The following AGO4 variants were observed in gnomAD, a reference collection of about 807,000 sequenced individuals.
The protein encoded by AGO4 is argonaute RISC component 4.
In AGO4, 33 loss-of-function variants were observed where a neutral mutation model predicts 104.7. That is an observed-to-expected ratio of 0.32 (90% confidence interval 0.24 to 0.42). The LOEUF is 0.42. Among genes scored for constraint, AGO4 ranks in the 10% least tolerant of loss-of-function variants. The pLI, the probability that AGO4 is intolerant of heterozygous loss-of-function variation, is 1.00. For synonymous variants in AGO4, 331 were observed against 364.7 expected, an observed-to-expected ratio of 0.91 and a Z score of 1.05; for missense variants, 711 against 1,083.4, an observed-to-expected ratio of 0.66 and a Z score of 4.83.
At chr1:35,838,255 G>A (rs535122940) in intron 13 of AGO4, among the ~76,000 whole-genome samples, 2 of 152,234 alleles carry the variant, frequency 1.3e-5, no homozygotes, top group South Asian at 2.1e-4. Flanking sequence ...GCTTTACCAT[G>A]TTGGCCAGGC....
At chr1:35,851,323 C>T (rs1644696983) in intron 17 of AGO4, 1 of 462,924 alleles carries the variant, frequency 2.2e-6, no homozygotes, top group Admixed American at 3.5e-5. Context: ...TTCAGTTCTG[C>T]TCAGGTCCTA....
intron 7 of AGO4, among the ~76,000 whole-genome samples, chr1:35,827,911 C>T (rs1188235241): frequency 3.3e-5 from 5 of 151,054 alleles, no homozygotes; most frequent in East Asian, 2.0e-4. Context: ...CCACCACACT[C>T]GCCTAATTTT....
At chr1:35,839,324 C>T (rs1043914174) in intron 13 of AGO4, among the ~76,000 whole-genome samples, 6 of 152,064 alleles carry the variant, frequency 3.9e-5, no homozygotes, top group Admixed American at 2.6e-4. Flanking sequence ...ATATATGGGC[C>T]ATAGGGGAAG....
chr1:35,823,022 G>C, intron 3 of AGO4, 40 bp downstream of exon 3: 1 of 1,593,132 alleles, frequency 6.3e-7, no homozygotes, highest in Non-Finnish European at 8.6e-7. Flanking sequence ...TCATTTAGTA[G>C]TAATTATACA....
chr1:35,841,223 G>T lies in AGO4; in HGVS notation c.1783G>T (p.Ala595Ser). The change falls in exon 14 of 18, where the codon GCA (alanine) becomes TCA (serine). Residue 595 changes from alanine to serine, a missense_variant. Transcript: ENST00000373210. The surrounding 1 kb of genome is among the most constrained non-coding windows in gnomAD (Gnocchi z 4.7). ...GGGAGCGGATGTCACACACCCCCCA[G>T]CAGGGGATGGGAAGAAACCTTCCAT... ...FLGADVTHPP[A>S]GDGKKPSIAA... The T allele has an allele frequency of 6.2e-7, 1 of 1,614,050 alleles. No homozygotes were observed. The highest frequency in any genetic ancestry group is 1.1e-5 in the South Asian group (1 of 91,078).
chr1:35,830,790 A>G (rs1253927333), intron 7 of AGO4, among the ~76,000 whole-genome samples: 1 of 151,818 alleles, frequency 6.6e-6, no homozygotes, highest in Admixed American at 6.6e-5. Flanking sequence ...AGCCTGGCCA[A>G]TGCGGTGAAA....
chr1:35,825,377 G>A lies in AGO4; in HGVS notation c.371G>A (p.Trp124Ter). Residue 124 changes from tryptophan (W) to a stop codon, truncating the protein, a stop_gained, in exon 4 of 18, where the codon TGG (tryptophan) becomes TAG (stop). Transcript: ENST00000373210. LOFTEE classifies it high-confidence loss of function. ...KDQTFKVSVQ[W>*]VSVVSLQLLL... ...CAAACATTTAAAGTGTCTGTTCAGT[G>A]GGTGTCAGTTGTGAGCCTTCAGTTG... The A allele has an allele frequency of 6.2e-7, 1 of 1,614,186 alleles. No homozygotes were observed. Among genetic ancestry groups the A allele is most frequent in the Non-Finnish European group, 8.5e-7 (1 of 1,180,034 alleles).
intron 17 of AGO4, among the ~76,000 whole-genome samples, chr1:35,853,120 G>A (rs190825973): frequency 6.4e-4 from 97 of 152,004 alleles, no homozygotes; most frequent in Admixed American, 3.8e-3. Context: ...GTGTGGTGGC[G>A]GGCGCCTGTA....
chr1:35,831,104 G>A (rs1410140652), intron 7 of AGO4, among the ~76,000 whole-genome samples: 2 of 152,008 alleles, frequency 1.3e-5, no homozygotes, highest in African/African-American at 4.8e-5. Context: ...GCTCACGCCT[G>A]TAATCCCAGC....
In AGO4 at chr1:35,820,701, A is replaced by T. The variant is rs531617913; in HGVS notation, c.186-2161A>T. ...TTTTTAGGATGAGAGAAATTAGAGC[A>T]TATTTGTATGCTGAAGGGAATAATC... On this transcript the variant is annotated intron_variant, in intron 2 of 17. Transcript: ENST00000373210. Among the ~76,000 whole-genome samples the T allele has an allele frequency of 9.2e-5, 14 of 152,164 alleles. No homozygotes were observed. The South Asian group carries it at 2.5e-3, about 27-fold the overall frequency.
At chr1:35,846,869 T>C (rs1443655507) in intron 15 of AGO4, among the ~76,000 whole-genome samples, 3 of 151,974 alleles carry the variant, frequency 2.0e-5, no homozygotes, top group Non-Finnish European at 4.4e-5. Context: ...AATCCACATA[T>C]GCTCAAGTCC....
chr1:35,821,045 G>A (rs1643877312), intron 2 of AGO4, among the ~76,000 whole-genome samples: 1 of 152,102 alleles, frequency 6.6e-6, no homozygotes, highest in South Asian at 2.1e-4. Context: ...CAAGCCACTT[G>A]CCCATTCTGA....
rs746509515 is a variant in AGO4 at position 35,823,013 on chromosome 1, C to T, written c.306+31C>T. On this transcript the variant is annotated intron_variant, in intron 3 of 17. Transcript: ENST00000373210. ...TGTTAAGAGCAAGAAATACTTAGTT[C>T]ATTTAGTAGTAATTATACATGACAA... 2.1e-5 allele frequency: 33 copies of T among 1,603,322 alleles called. No homozygotes were observed. In the Admixed American group the frequency reaches 4.4e-4, roughly 21 times the overall value.
At chr1:35,847,118 GGAA>G (rs1644590167) in intron 15 of AGO4, among the ~76,000 whole-genome samples, 2 of 151,472 alleles carry the variant, frequency 1.3e-5, no homozygotes, top group South Asian at 2.1e-4. Flanking sequence ...GGACCACATT[GGAA>G]GAAGAATTTT....
At chr1:35,813,007 T>G (rs1213309135) in intron 1 of AGO4, among the ~76,000 whole-genome samples, 1 of 152,234 alleles carries the variant, frequency 6.6e-6, no homozygotes, top group Non-Finnish European at 1.5e-5. Flanking sequence ...CCTCTCACAT[T>G]ATTTACTATT....
At chr1:35,811,813 T>C (rs1465347294) in intron 1 of AGO4, among the ~76,000 whole-genome samples, 1 of 152,132 alleles carries the variant, frequency 6.6e-6, no homozygotes, top group Non-Finnish European at 1.5e-5. Context: ...TTGGCCAGGC[T>C]GGTCTTGAAC....
chr1:35,853,181 G>A (rs574284763), intron 17 of AGO4, among the ~76,000 whole-genome samples: 1 of 150,148 alleles, frequency 6.7e-6, no homozygotes, highest in African/African-American at 2.5e-5. Flanking sequence ...AACCCGGGAG[G>A]CAGAGCTTGC....
At chr1:35,840,385 C>T (rs35670599) in intron 13 of AGO4, among the ~76,000 whole-genome samples, 45 of 152,290 alleles carry the variant, frequency 3.0e-4, no homozygotes, top group Admixed American at 2.3e-3. Flanking sequence ...TGGTCTCAAA[C>T]TCCTGACCTC....
In AGO4 at chr1:35,822,786, A is replaced by AT. The variant is rs1643914878; in HGVS notation, c.186-74dup. ...AGTAATACTGAACCGAATTTAAATG[A>AT]TTAAAGTATGATGATGCTTTTCTTA... On this transcript the variant is annotated intron_variant, in intron 2 of 17. Coordinates refer to ENST00000373210, the MANE Select transcript of AGO4 (RefSeq NM_017629.4). 11 of 1,567,784 alleles carry AT rather than the reference A, an allele frequency of 7.0e-6. No homozygotes were observed. The South Asian group carries it at 1.1e-4, about 16-fold the overall frequency.
Sources: gnomAD v4.1 joint callset for allele counts (sites outside exome capture counted in the v4.1 genomes callset) on GRCh38, gnomAD v4.1.1 for gene constraint, Gnocchi (gnomAD v3.1) non-coding constraint, MANE v1.5 for transcripts, NCBI Gene and HGNC (gene_info 2026-07-23, HGNC 2026-07-21) for gene names.